The following PCDH15 variants were observed in gnomAD, a reference collection of about 807,000 sequenced individuals.
The protein encoded by PCDH15 is protocadherin-15.
PCDH15 carries 129 observed loss-of-function variants against 178.5 expected under a neutral mutation model. The ratio of observed to expected loss-of-function variants is 0.72; its 90% confidence interval spans 0.63 to 0.84. PCDH15 has a LOEUF of 0.84. PCDH15 is among the 40% of genes least tolerant of loss of function. The pLI is 0.00. For synonymous variants in PCDH15, 800 were observed against 732.0 expected (o/e 1.09, Z -1.50); for missense variants, 2,230 against 2,099.9 (o/e 1.06, Z -1.21).
intron 1 of PCDH15, among the ~76,000 whole-genome samples, chr10:54,697,582 C>T (rs1216633335): frequency 7.7e-6 from 1 of 129,566 alleles, no homozygotes. Context: ...AATGTTTATG[C>T]TTATTTTTGC....
intron 8 of PCDH15, among the ~76,000 whole-genome samples, chr10:54,289,801 T>A (rs193236929): frequency 1.3e-5 from 2 of 152,186 alleles, no homozygotes; most frequent in Non-Finnish European, 2.9e-5. Context: ...GTATCAGTGA[T>A]TGGAGATCAA....
intron 2 of PCDH15, among the ~76,000 whole-genome samples, chr10:55,072,363 AG>A (rs1841770050): frequency 6.6e-6 from 1 of 152,228 alleles, no homozygotes; most frequent in Non-Finnish European, 1.5e-5. Context: ...AGACTAATAA[AG>A]AAAAAATGAG....
At chr10:55,205,541 T>G (rs560053906) in intron 1 of PCDH15, among the ~76,000 whole-genome samples, 4 of 152,146 alleles carry the variant, frequency 2.6e-5, no homozygotes, top group African/African-American at 9.7e-5. Flanking sequence ...ACACTACAAT[T>G]TTTATATAAT....
At chr10:54,418,991 T>C (rs1430891307) in intron 3 of PCDH15, among the ~76,000 whole-genome samples, 1 of 151,978 alleles carries the variant, frequency 6.6e-6, no homozygotes, top group East Asian at 1.9e-4. Flanking sequence ...TAAAAACCAA[T>C]ATTAAAACTG....
chr10:54,994,500 T>C (rs1379260752), intron 2 of PCDH15, among the ~76,000 whole-genome samples: 4 of 152,158 alleles, frequency 2.6e-5, no homozygotes, highest in South Asian at 4.1e-4. Flanking sequence ...ATAAATACAG[T>C]AAACTTTTGT....
chr10:55,547,139 G>A (rs998405424), intron 2 of PCDH15, among the ~76,000 whole-genome samples: 2 of 152,108 alleles, frequency 1.3e-5, no homozygotes, highest in Admixed American at 6.6e-5. Flanking sequence ...GGAGCAGCCC[G>A]GGGACGTTGA....
At chr10:54,561,273 AG>A (rs1190735256) in intron 2 of PCDH15, among the ~76,000 whole-genome samples, 1 of 152,134 alleles carries the variant, frequency 6.6e-6, no homozygotes, top group Non-Finnish European at 1.5e-5. Context: ...TTTCCACATG[AG>A]GGCTTCCAAT....
At position 54,792,935 on chromosome 10, in the gene PCDH15, C is replaced by A. The variant is rs151181053; in HGVS notation, c.-29+7990G>T. On this transcript the variant is annotated intron_variant, in intron 1 of 37. Coordinates refer to ENST00000644397, the MANE Select transcript of PCDH15 (RefSeq NM_001384140.1). ...AATGTACTGAGTCCCCCATTCCCAA[C>A]TCCTACCCATATCATGCTGTTAGCA... 4.2e-3 allele frequency among the ~76,000 whole-genome samples: 636 copies of A among 151,942 alleles called. 7 individuals carry two copies. The highest frequency in any genetic ancestry group is 0.014 in the African/African-American group (591 of 41,488).
chr10:53,931,593 T>C (rs1348140105), intron 25 of PCDH15, among the ~76,000 whole-genome samples: 2 of 150,134 alleles, frequency 1.3e-5, no homozygotes, highest in African/African-American at 2.5e-5. Context: ...ATTCTTAATA[T>C]GAAAATATAG....
intron 2 of PCDH15, among the ~76,000 whole-genome samples, chr10:55,351,108 C>T (rs1164658151): frequency 4.2e-5 from 6 of 142,364 alleles, no homozygotes; most frequent in African/African-American, 1.5e-4. Flanking sequence ...CCTTCTTCTT[C>T]TTCTGCCATG....
intron 2 of PCDH15, among the ~76,000 whole-genome samples, chr10:55,418,330 T>C (rs1037194336): frequency 6.6e-6 from 1 of 151,818 alleles, no homozygotes; most frequent in Middle Eastern, 3.4e-3. Context: ...TTGTGGGAAA[T>C]TGGAGTTGGA....
Position 55,139,052 on chromosome 10 carries a change from T to C in PCDH15, c.-80+27524A>G, listed in dbSNP as rs145272343. Among the ~76,000 whole-genome samples, 5 of 152,268 alleles carry C rather than the reference T, an allele frequency of 3.3e-5. No homozygotes were observed. The East Asian group carries it at 5.8e-4, about 18-fold the overall frequency. On this transcript the variant is annotated intron_variant, in intron 2 of 5. Coordinates refer to the PCDH15 transcript ENST00000458638. ...GAAGGATATTTCCTTGTGATTTTAG[T>C]TGGCACTTCCTCAATGGCTAATAAT...
chr10:55,144,045 A>C (rs904281652), intron 2 of PCDH15, among the ~76,000 whole-genome samples: 5 of 151,688 alleles, frequency 3.3e-5, no homozygotes, highest in African/African-American at 4.8e-5. Context: ...ATTGTGTTGC[A>C]GATAAATATT....
At chr10:55,242,789 G>A (rs1841586511) in intron 1 of PCDH15, among the ~76,000 whole-genome samples, 1 of 152,248 alleles carries the variant, frequency 6.6e-6, no homozygotes, top group African/African-American at 2.4e-5. Context: ...AGGTTGAGCC[G>A]TGATCCCACC....
intron 1 of PCDH15, among the ~76,000 whole-genome samples, chr10:55,289,470 T>G (rs1386359833): frequency 2.4e-5 from 3 of 126,398 alleles, no homozygotes; most frequent in Non-Finnish European, 1.7e-5. Context: ...AAGGAGAGAG[T>G]GAGGAAGGGA....
intron 8 of PCDH15, among the ~76,000 whole-genome samples, chr10:54,299,344 G>C (rs907270769): frequency 4.6e-5 from 7 of 151,396 alleles, no homozygotes; most frequent in African/African-American, 1.7e-4. Flanking sequence ...ACAAAGAAGA[G>C]AGAGACAGAC....
intron 2 of PCDH15, among the ~76,000 whole-genome samples, chr10:55,545,640 A>T (rs1293698636): frequency 6.6e-6 from 1 of 151,778 alleles, no homozygotes; most frequent in Admixed American, 6.6e-5. Flanking sequence ...CAAACTCCTG[A>T]CCTCAGGTGA....
At chr10:54,383,686 G>T (rs1949546285) in intron 3 of PCDH15, among the ~76,000 whole-genome samples, 1 of 140,792 alleles carries the variant, frequency 7.1e-6, no homozygotes, top group East Asian at 2.1e-4. Flanking sequence ...GATTAAAGTG[G>T]GTAAAAAACA....
intron 1 of PCDH15, among the ~76,000 whole-genome samples, chr10:54,725,992 G>C (rs969559121): frequency 6.6e-6 from 1 of 151,274 alleles, no homozygotes; most frequent in African/African-American, 2.4e-5. Context: ...GTAGGCAGCT[G>C]TTACAAGTAC....
Sources: gnomAD v4.1 joint callset for allele counts (sites outside exome capture counted in the v4.1 genomes callset) on GRCh38, gnomAD v4.1.1 for gene constraint, MANE v1.5 for transcripts, NCBI Gene and HGNC (gene_info 2026-07-23, HGNC 2026-07-21) for gene names.